Variants in ULK4 observed in about 807,000 individuals in gnomAD.
ULK4 encodes unc-51 like kinase 4.
ULK4 carries 133 observed loss-of-function variants against 160.6 expected under a neutral mutation model. That is an observed-to-expected ratio of 0.83 (90% CI 0.72 to 0.96). ULK4 has a LOEUF of 0.96. Among genes scored for constraint, ULK4 ranks in the 40% least tolerant of loss-of-function variants. ULK4 has a pLI of 0.00. For missense variants in ULK4, 1,580 were observed against 1,499.5 expected (o/e 1.05, Z -0.89); for synonymous variants, 534 against 539.8 (o/e 0.99, Z 0.15).
chr3:41,374,396 C>A (rs2081434259), intron 35 of ULK4, among the ~76,000 whole-genome samples: 1 of 152,176 alleles, frequency 6.6e-6, no homozygotes, highest in Non-Finnish European at 1.5e-5. Flanking sequence ...CAACAAAATG[C>A]TGGCAAATGG....
chr3:41,796,639 G>A (rs1370676658), intron 20 of ULK4, among the ~76,000 whole-genome samples: 1 of 151,844 alleles, frequency 6.6e-6, no homozygotes. Context: ...AGAATTCTGA[G>A]GTATTAAAAT....
chr3:41,507,730 T>C (rs753579189), intron 32 of ULK4, among the ~76,000 whole-genome samples: 1 of 151,890 alleles, frequency 6.6e-6, no homozygotes, highest in Non-Finnish European at 1.5e-5. Context: ...AACAAATACA[T>C]TGTGGAGGTT....
chr3:41,520,713 C>T (rs191832584), intron 32 of ULK4, among the ~76,000 whole-genome samples: 2 of 152,252 alleles, frequency 1.3e-5, no homozygotes, highest in Non-Finnish European at 2.9e-5. Context: ...ACATCCTCAC[C>T]AACATGCTAT....
intron 2 of ULK4, among the ~76,000 whole-genome samples, chr3:41,941,991 C>CTA (rs1486985168): frequency 6.6e-6 from 1 of 152,022 alleles, no homozygotes; most frequent in Non-Finnish European, 1.5e-5. Context: ...CGCCCCACGC[C>CTA]TACTCTTCCA....
At chr3:41,840,849 G>A (rs1037176448) in intron 17 of ULK4, among the ~76,000 whole-genome samples, 1 of 151,980 alleles carries the variant, frequency 6.6e-6, no homozygotes, top group Non-Finnish European at 1.5e-5. Context: ...TCTGGGATGT[G>A]GGGAGCCCCT....
At chr3:41,895,866 T>C (rs979267054) in intron 15 of ULK4, among the ~76,000 whole-genome samples, 10 of 151,932 alleles carry the variant, frequency 6.6e-5, no homozygotes, top group South Asian at 2.1e-4. Context: ...TGGAAGCAAA[T>C]GAACTTAAAT....
At chr3:41,494,086 A>T (rs1188625025) in intron 32 of ULK4, among the ~76,000 whole-genome samples, 1 of 121,216 alleles carries the variant, frequency 8.2e-6, no homozygotes, top group Admixed American at 8.9e-5. Flanking sequence ...TTATGAGGCC[A>T]GCATCATCCT....
intron 35 of ULK4, among the ~76,000 whole-genome samples, chr3:41,394,165 A>C (rs1438480500): frequency 6.6e-6 from 1 of 152,156 alleles, no homozygotes; most frequent in African/African-American, 2.4e-5. Context: ...AAGACCGACC[A>C]CATTACTACC....
At chr3:41,699,272 A>G (rs533651002) in intron 27 of ULK4, among the ~76,000 whole-genome samples, 2 of 152,316 alleles carry the variant, frequency 1.3e-5, no homozygotes, top group African/African-American at 4.8e-5. Context: ...ATTAACTCAA[A>G]TAACTGGTTT....
At chr3:41,545,674 A>G (rs1169082489) in intron 32 of ULK4, among the ~76,000 whole-genome samples, 4 of 152,184 alleles carry the variant, frequency 2.6e-5, no homozygotes, top group Admixed American at 6.5e-5. Flanking sequence ...ATGCTTTACC[A>G]AATTTGTGAA....
intron 35 of ULK4, among the ~76,000 whole-genome samples, chr3:41,267,019 G>A (rs192606028): frequency 9.7e-4 from 62 of 63,764 alleles, no homozygotes; most frequent in Non-Finnish European, 1.6e-3. Context: ...TGTCTCTATT[G>A]GGGGGGGGGG....
chr3:41,495,535 A>G (rs1459811160), intron 32 of ULK4, among the ~76,000 whole-genome samples: 1 of 151,536 alleles, frequency 6.6e-6, no homozygotes, highest in African/African-American at 2.4e-5. Flanking sequence ...CTTCATGTCT[A>G]AAACACCAAA....
intron 17 of ULK4, among the ~76,000 whole-genome samples, chr3:41,849,668 T>C (rs1285736416): frequency 6.6e-6 from 1 of 152,160 alleles, no homozygotes; most frequent in Non-Finnish European, 1.5e-5. Context: ...AATGTGTCAA[T>C]GTAGGTTTAT....
rs530255341 is a variant in ULK4 at position 41,582,731 on chromosome 3, T to C, written c.3121-16601A>G. On this transcript the variant is annotated intron_variant, in intron 31 of 36. Transcript: ENST00000301831. ...GTTACAATAAACCAGGGGAAATATT[T>C]TCTGGAAGTTTTTAAAGTGTGTGGA... Among the ~76,000 whole-genome samples the C allele has an allele frequency of 7.9e-5, 12 of 152,354 alleles. No individual in the cohort carries two copies. In the South Asian group the frequency reaches 1.0e-3, roughly 13 times the overall value.
Position 41,559,027 on chromosome 3 carries a change from T to TC in ULK4, c.3226+6997_3226+6998insG, listed in dbSNP as rs2087439751. Among the ~76,000 whole-genome samples, 3 of 118,900 alleles carry TC rather than the reference T, an allele frequency of 2.5e-5. No individual in the cohort carries two copies. In the South Asian group the frequency reaches 9.1e-4, roughly 36 times the overall value. The allele number at this position is 118,900 out of a possible 152,430, so 78.0% of individuals were successfully genotyped here. A position where few individuals can be genotyped will look rare whatever the true frequency, so the allele number is the denominator to read the frequency against. On this transcript the variant is annotated intron_variant, in intron 32 of 36. Coordinates refer to ENST00000301831, the MANE Select transcript of ULK4 (RefSeq NM_017886.4). ...ATCTCCTAATGCTATCCCTCCCCCC[T>TC]ACCCCCACCCCACAACAGGCCCCGG...
chr3:41,429,404 T>TA (rs2082851104), intron 34 of ULK4, among the ~76,000 whole-genome samples: 1 of 152,216 alleles, frequency 6.6e-6, no homozygotes, highest in Non-Finnish European at 1.5e-5. Flanking sequence ...ACTGCGTATA[T>TA]ACTCAAAGGA....
At chr3:41,483,046 T>C (rs2084382980) in intron 32 of ULK4, among the ~76,000 whole-genome samples, 1 of 152,202 alleles carries the variant, frequency 6.6e-6, no homozygotes, top group East Asian at 1.9e-4. Flanking sequence ...TCTTTTTAAA[T>C]ATACAATTTA....
At chr3:41,953,027 C>A (rs561672078) in intron 2 of ULK4, among the ~76,000 whole-genome samples, 1 of 151,098 alleles carries the variant, frequency 6.6e-6, no homozygotes, top group Non-Finnish European at 1.5e-5. Context: ...ATGATAGTTG[C>A]CAAAAGCTGG....
At position 41,945,124 on chromosome 3, in the gene ULK4, CCA is replaced by C. The variant is rs1700075822; in HGVS notation, c.139-6929_139-6928del. Among the ~76,000 whole-genome samples the C allele has an allele frequency of 2.6e-5, 4 of 152,286 alleles. No homozygotes were observed. The East Asian group carries it at 7.7e-4, about 29-fold the overall frequency. On this transcript the variant is annotated intron_variant, in intron 2 of 36. Coordinates refer to ENST00000301831, the MANE Select transcript of ULK4 (RefSeq NM_017886.4). ...GCCAGAGGAGCACTGGCCCCTGTCT[CCA>C]TCAGAACATTAAGGAATCAAGACTC...
Sources: allele counts gnomAD v4.1 joint callset (sites outside exome capture counted in the v4.1 genomes callset), GRCh38; gene constraint gnomAD v4.1.1; transcripts MANE v1.5; gene names NCBI Gene and HGNC (gene_info 2026-07-23, HGNC 2026-07-21).